Variants in DUSP14 observed in about 807,000 individuals in gnomAD.
DUSP14 encodes the protein dual specificity protein phosphatase 14.
In DUSP14, 5 loss-of-function variants were observed where a neutral mutation model predicts 13.2. The ratio of observed to expected loss-of-function variants is 0.38; its 90% CI spans 0.20 to 0.80. DUSP14 has a LOEUF of 0.80. Ranked by LOEUF, DUSP14 falls within the 30% of genes least tolerant of loss-of-function variation. The pLI, the probability that DUSP14 is intolerant of heterozygous loss-of-function variation, is 0.44. For synonymous variants in DUSP14, 91 were observed against 103.4 expected, an observed-to-expected ratio of 0.88 and a Z score of 0.73; for missense variants, 185 against 264.0, an observed-to-expected ratio of 0.70 and a Z score of 2.07.
intron 1 of DUSP14, among the ~76,000 whole-genome samples, chr17:37,502,476 C>T (rs2054111731): frequency 6.6e-6 from 1 of 151,912 alleles, no homozygotes; most frequent in Admixed American, 6.6e-5. Context: ...GAGCCACTGC[C>T]CCTGGCCTAA....
At chr17:37,490,292 C>G (rs1009317216) in intron 1 of DUSP14, among the ~76,000 whole-genome samples, 2 of 152,112 alleles carry the variant, frequency 1.3e-5, no homozygotes, top group Non-Finnish European at 2.9e-5. Flanking sequence ...GCGCCTCCTC[C>G]GTCGCCTTCC....
At chr17:37,497,990 G>A (rs1261890448) in intron 1 of DUSP14, among the ~76,000 whole-genome samples, 2 of 151,392 alleles carry the variant, frequency 1.3e-5, no homozygotes, top group African/African-American at 2.4e-5. Context: ...AGGCTGCAGT[G>A]AGCCTAGATT....
chr17:37,512,101 C>G lies in DUSP14; in HGVS notation c.-92-80C>G, dbSNP rs920872364. On this transcript the variant is annotated intron_variant, in intron 2 of 2. Transcript: ENST00000617516. The surrounding 1 kb of genome is among the most constrained non-coding windows in gnomAD (Gnocchi z 4.8). ...ATTATTTAAAAAAAAACCCTCTAAT[C>G]TTCCCATTTGACAAATGTGACAGAA... The G allele has an allele frequency of 3.4e-6, 2 of 585,888 alleles. No homozygotes were observed. The highest frequency in any genetic ancestry group is 3.7e-5 in the African/African-American group (2 of 54,010). 36.3% of individuals were successfully genotyped at this position (585,888 alleles called of 1,614,324 possible).
At chr17:37,509,264 T>G (rs2054163528) in intron 1 of DUSP14, among the ~76,000 whole-genome samples, 3 of 27,958 alleles carry the variant, frequency 1.1e-4, no homozygotes, top group Non-Finnish European at 1.4e-4. Context: ...TATATATATA[T>G]ATATATATAT....
At chr17:37,496,491 C>T (rs2054065922) in intron 1 of DUSP14, among the ~76,000 whole-genome samples, 2 of 152,270 alleles carry the variant, frequency 1.3e-5, no homozygotes, top group Admixed American at 1.3e-4. Context: ...CACGGTAGCT[C>T]ATGCCTGTAA....
At chr17:37,509,131 AC>A in intron 1 of DUSP14, among the ~76,000 whole-genome samples, 1 of 26,536 alleles carries the variant, frequency 3.8e-5, no homozygotes, top group African/African-American at 2.0e-4. Flanking sequence ...ATATATATAC[AC>A]ACACACACAC....
At chr17:37,511,366 C>T (rs1473601198) in intron 2 of DUSP14, among the ~76,000 whole-genome samples, 4 of 152,060 alleles carry the variant, frequency 2.6e-5, no homozygotes, top group Non-Finnish European at 4.4e-5. Flanking sequence ...TTGCAACCTC[C>T]GCCTCCCAGG....
At chr17:37,503,516 A>C (rs1292036633) in intron 1 of DUSP14, among the ~76,000 whole-genome samples, 1 of 152,252 alleles carries the variant, frequency 6.6e-6, no homozygotes, top group Non-Finnish European at 1.5e-5. Flanking sequence ...ATTCTGCAGC[A>C]GTTGGAACAA....
At chr17:37,494,528 G>T (rs1417307924) in intron 1 of DUSP14, among the ~76,000 whole-genome samples, 2 of 152,130 alleles carry the variant, frequency 1.3e-5, no homozygotes, top group African/African-American at 4.8e-5. Context: ...TTTGTGAACA[G>T]ACAGTTACCA....
chr17:37,503,357 C>T (rs1188859026), intron 1 of DUSP14, among the ~76,000 whole-genome samples: 1 of 152,096 alleles, frequency 6.6e-6, no homozygotes, highest in Non-Finnish European at 1.5e-5. Context: ...ACCTGGGAGG[C>T]GGAAGTGGCA....
intron 2 of DUSP14, among the ~76,000 whole-genome samples, chr17:37,511,923 C>G (rs112962693): frequency 5.0e-5 from 1 of 19,836 alleles, no homozygotes; most frequent in Middle Eastern, 0.062. Flanking sequence ...GCCCAGCCAC[C>G]CCCCCCCCAC....
Position 37,512,869 on chromosome 17 carries a change from G to A in DUSP14, c.597G>A (p.Ter199=). ...ACCTGATGCCTTACTGGGGGATTTA[G>A]TGCCACTGAAGCCTGCGTCAGCAGC... ...SRHLMPYWGI[*] Residue 199 remains the stop codon, a stop_retained_variant, in exon 3 of 3, where the codon TAG becomes TAA. Coordinates refer to ENST00000617516, the MANE Select transcript of DUSP14 (RefSeq NM_007026.4). This position sits in a 1 kb window ranked among gnomAD's most constrained non-coding sequence, Gnocchi z 4.8. The A allele has an allele frequency of 1.3e-6, 2 of 1,597,360 alleles. No individual in the cohort carries two copies. The highest frequency in any genetic ancestry group is 1.7e-6 in the Non-Finnish European group (2 of 1,166,944).
intron 1 of DUSP14, among the ~76,000 whole-genome samples, chr17:37,490,594 A>G (rs2054021065): frequency 6.6e-6 from 1 of 152,010 alleles, no homozygotes; most frequent in Non-Finnish European, 1.5e-5. Context: ...ACTGTATTTT[A>G]TTTAGGTGGA....
At chr17:37,500,820 G>A (rs186029034) in intron 1 of DUSP14, among the ~76,000 whole-genome samples, 57 of 152,234 alleles carry the variant, frequency 3.7e-4, no homozygotes, top group African/African-American at 1.3e-3. Flanking sequence ...AGACCATCTT[G>A]TACCACCAAC....
chr17:37,498,239 C>T (rs566354723), intron 1 of DUSP14, among the ~76,000 whole-genome samples: 3 of 148,112 alleles, frequency 2.0e-5, no homozygotes, highest in Admixed American at 6.7e-5. Flanking sequence ...GCTTCAATTA[C>T]TTGGTGTAAA....
chr17:37,503,384 C>T (rs1426798144), intron 1 of DUSP14, among the ~76,000 whole-genome samples: 1 of 152,160 alleles, frequency 6.6e-6, no homozygotes, highest in Non-Finnish European at 1.5e-5. Flanking sequence ...CAAAATCATA[C>T]CACTGCACTC....
intron 1 of DUSP14, among the ~76,000 whole-genome samples, chr17:37,499,366 G>T (rs960608393): frequency 2.0e-5 from 3 of 151,988 alleles, no homozygotes; most frequent in Non-Finnish European, 2.9e-5. Flanking sequence ...AAGAGATGGG[G>T]TCTCACTGTT....
intron 1 of DUSP14, among the ~76,000 whole-genome samples, chr17:37,492,760 A>T (rs2054037288): frequency 6.6e-6 from 1 of 152,142 alleles, no homozygotes; most frequent in Non-Finnish European, 1.5e-5. Flanking sequence ...TTTTAACGAA[A>T]ACATAAGTGT....
chr17:37,494,094 T>C lies in DUSP14; in HGVS notation c.-181+4136T>C, dbSNP rs562558678. Among the ~76,000 whole-genome samples, 26 of 151,558 alleles carry C rather than the reference T, an allele frequency of 1.7e-4. No individual in the cohort carries two copies. In the East Asian group the frequency reaches 2.9e-3, roughly 17 times the overall value. ...CTGCAAGCTCCGCCTCCCAGGTTCA[T>C]GCCATTCTCCTGCCTCAGCCTCCCT... is the stretch of plus-strand genomic sequence containing the variant. On this transcript the variant is annotated intron_variant, in intron 1 of 2. Transcript: ENST00000617516.
Sources: gnomAD v4.1 joint callset for allele counts (sites outside exome capture counted in the v4.1 genomes callset) on GRCh38, gnomAD v4.1.1 for gene constraint, Gnocchi (gnomAD v3.1) non-coding constraint, MANE v1.5 for transcripts, NCBI Gene and HGNC (gene_info 2026-07-23, HGNC 2026-07-21) for gene names.